The following ANKH variants were observed in gnomAD, a reference collection of about 807,000 sequenced individuals.
ANKH encodes mineralization regulator ANKH.
In ANKH, 15 loss-of-function variants were observed where a neutral mutation model predicts 49.0. The observed-to-expected ratio is 0.31, with a 90% CI of 0.20 to 0.47. ANKH has a LOEUF of 0.47. ANKH is among the 20% of genes least tolerant of loss of function. The pLI, the probability that ANKH is intolerant of heterozygous loss-of-function variation, is 1.00. For synonymous variants in ANKH, 273 were observed against 260.0 expected (o/e 1.05, Z -0.48); for missense variants, 429 against 652.0 (o/e 0.66, Z 3.72).
chr5:14,847,802 T>C (rs77654689), intron 1 of ANKH, among the ~76,000 whole-genome samples: 2,105 of 152,276 alleles, frequency 0.014, 46 homozygotes, highest in African/African-American at 0.048. Context: ...TACGAGACAC[T>C]AGGAAAATGA....
Position 14,769,210 on chromosome 5 carries a change from A to T in ANKH, c.97-19T>A, listed in dbSNP as rs752929234. 1 of 1,593,340 alleles carries T rather than the reference A, an allele frequency of 6.3e-7. No homozygotes were observed. The highest frequency in any genetic ancestry group is 8.6e-7 in the Non-Finnish European group (1 of 1,166,442). On this transcript the variant is annotated intron_variant, in intron 1 of 11. Coordinates refer to ENST00000284268, the MANE Select transcript of ANKH (RefSeq NM_054027.6). ...TCAAGGCCTGGGAAGGGGGAAAAAAACCCACAAGCATTAGAAATGTCATCT... is the reference window on the plus strand; with the variant it reads ...TCAAGGCCTGGGAAGGGGGAAAAAATCCCACAAGCATTAGAAATGTCATCT...
intron 5 of ANKH, 40 bp downstream of exon 5, chr5:14,751,029 C>T: frequency 6.2e-7 from 1 of 1,607,530 alleles, no homozygotes; most frequent in South Asian, 1.1e-5. Flanking sequence ...TTATTCTACT[C>T]TGAGTCTCAG....
chr5:14,805,493 C>A (rs1395348937), intron 1 of ANKH, among the ~76,000 whole-genome samples: 1 of 145,814 alleles, frequency 6.9e-6, no homozygotes, highest in African/African-American at 2.5e-5. Flanking sequence ...GATACACACA[C>A]ACACACACAC....
intron 2 of ANKH, among the ~76,000 whole-genome samples, chr5:14,758,852 TCC>T (rs1194617960): frequency 2.6e-5 from 4 of 152,236 alleles, no homozygotes; most frequent in Non-Finnish European, 5.9e-5. Flanking sequence ...GAGATTGTAT[TCC>T]ACATACTCTT....
chr5:14,787,282 C>T (rs567935229), intron 1 of ANKH, among the ~76,000 whole-genome samples: 22 of 150,356 alleles, frequency 1.5e-4, no homozygotes, highest in African/African-American at 4.9e-4. Context: ...CCATTGCACT[C>T]CAGCCTGGGC....
intron 1 of ANKH, among the ~76,000 whole-genome samples, chr5:14,792,640 T>C (rs1740205268): frequency 6.6e-6 from 1 of 151,920 alleles, no homozygotes; most frequent in Non-Finnish European, 1.5e-5. Flanking sequence ...GCTAAAACAC[T>C]ACCCAGAACT....
intron 1 of ANKH, among the ~76,000 whole-genome samples, chr5:14,864,092 G>C (rs1326073977): frequency 6.6e-6 from 1 of 152,096 alleles, no homozygotes; most frequent in Non-Finnish European, 1.5e-5. Context: ...CATATGCCTG[G>C]AATCCCAGCT....
chr5:14,849,881 G>A (rs909294623), intron 1 of ANKH, among the ~76,000 whole-genome samples: 1 of 152,112 alleles, frequency 6.6e-6, no homozygotes, highest in African/African-American at 2.4e-5. Flanking sequence ...AGGGCTGGGG[G>A]TGTGAACTAG....
rs112041424 is a variant in ANKH at position 14,766,237 on chromosome 5, A to T, written c.313+2738T>A. On this transcript the variant is annotated intron_variant, in intron 2 of 11. Coordinates refer to ENST00000284268, the MANE Select transcript of ANKH (RefSeq NM_054027.6). ...CAAAACCCTATCTCTACAAAAAAAA[A>T]ATATAAAAATTAGCCAGATGTGGTG... Among the ~76,000 whole-genome samples, 23 of 148,202 alleles carry T rather than the reference A, an allele frequency of 1.6e-4. No homozygotes were observed. In the East Asian group the frequency reaches 2.6e-3, roughly 17 times the overall value.
chr5:14,850,559 GC>G (rs1480463640), intron 1 of ANKH, among the ~76,000 whole-genome samples: 2 of 152,232 alleles, frequency 1.3e-5, no homozygotes, highest in Admixed American at 6.5e-5. Context: ...TCACACCTCA[GC>G]CCCCCTCCGG....
chr5:14,849,688 G>A (rs1029310571), intron 1 of ANKH, among the ~76,000 whole-genome samples: 7 of 152,188 alleles, frequency 4.6e-5, no homozygotes, highest in Admixed American at 4.6e-4. Flanking sequence ...GTCTTCTCAC[G>A]AATGTTGCTC....
chr5:14,802,469 G>A (rs1740593281), intron 1 of ANKH, among the ~76,000 whole-genome samples: 1 of 151,812 alleles, frequency 6.6e-6, no homozygotes, highest in Admixed American at 6.6e-5. Context: ...TGACCTTATC[G>A]TTGTCCCCTC....
intron 11 of ANKH, 31 bp downstream of exon 11, chr5:14,712,843 C>T (rs755389920): frequency 3.2e-5 from 51 of 1,572,746 alleles, no homozygotes; most frequent in South Asian, 5.8e-5. Flanking sequence ...AGGATGCACC[C>T]GGGAGGAGGC....
intron 5 of ANKH, 129 bp downstream of exon 5, chr5:14,750,940 C>T (rs1036183784): frequency 7.1e-6 from 8 of 1,132,516 alleles, no homozygotes; most frequent in Non-Finnish European, 1.0e-5. Flanking sequence ...TAGCACTTGG[C>T]CTCTGGGTAT....
chr5:14,777,717 G>A (rs1739672211), intron 1 of ANKH, among the ~76,000 whole-genome samples: 1 of 152,172 alleles, frequency 6.6e-6, no homozygotes, highest in Non-Finnish European at 1.5e-5. Context: ...GTGCCCCTGG[G>A]GCACGGGTCC....
intron 2 of ANKH, among the ~76,000 whole-genome samples, chr5:14,759,775 AAAG>A (rs1404109947): frequency 6.9e-6 from 1 of 145,146 alleles, no homozygotes; most frequent in Non-Finnish European, 1.5e-5. Context: ...AGAAAAGAAA[AAAG>A]AAGAGGAGAG....
intron 8 of ANKH, among the ~76,000 whole-genome samples, chr5:14,740,991 G>A (rs559918369): frequency 2.0e-5 from 3 of 152,292 alleles, no homozygotes; most frequent in African/African-American, 7.2e-5. Context: ...AAACAGAACC[G>A]AGTTCAAAAG....
rs757380654 is a variant in ANKH, at chr5:14,752,430, G to T, written c.517-1191C>A. Among the ~76,000 whole-genome samples, 3 of 152,236 alleles carry T rather than the reference G, an allele frequency of 2.0e-5. No individual in the cohort carries two copies. In the South Asian group the frequency reaches 6.2e-4, roughly 32 times the overall value. On this transcript the variant is annotated intron_variant, in intron 4 of 11. Transcript: ENST00000284268. Reference sequence around the variant, plus strand: ...ATAGGTTGAAATAACCAGAGTGAGAGAATGAAATTACAATAATGTTTATAT... The same window carrying T: ...ATAGGTTGAAATAACCAGAGTGAGATAATGAAATTACAATAATGTTTATAT...
At chr5:14,830,512 T>A (rs537866624) in intron 1 of ANKH, among the ~76,000 whole-genome samples, 39 of 138,990 alleles carry the variant, frequency 2.8e-4, no homozygotes, top group African/African-American at 1.1e-3. Context: ...GTAGGGGGAG[T>A]GTGTGTGTGT....
Sources: gnomAD v4.1 joint callset for allele counts (sites outside exome capture counted in the v4.1 genomes callset) on GRCh38, gnomAD v4.1.1 for gene constraint, MANE v1.5 for transcripts, NCBI Gene and HGNC (gene_info 2026-07-23, HGNC 2026-07-21) for gene names.